RBFOX1: variants seen among roughly 807,000 people sequenced by gnomAD.
RBFOX1 encodes RNA binding protein fox-1 homolog 1.
RBFOX1 carries 8 observed loss-of-function variants against 57.7 expected under a neutral mutation model. The observed-to-expected ratio is 0.14, with a 90% CI of 0.08 to 0.25. The LOEUF (loss-of-function observed/expected upper bound fraction) is 0.25. Ranked by LOEUF, RBFOX1 falls within the 10% of genes least tolerant of loss-of-function variation. The pLI is 1.00. For synonymous variants in RBFOX1, 326 were observed against 222.4 expected, an observed-to-expected ratio of 1.47 and a Z score of -4.15; for missense variants, 611 against 548.5, an observed-to-expected ratio of 1.11 and a Z score of -1.14.
chr16:5,653,582 C>T (rs114050122), intron 3 of RBFOX1, among the ~76,000 whole-genome samples: 3,830 of 152,158 alleles, frequency 0.025, 167 homozygotes, highest in African/African-American at 0.087. Flanking sequence ...GGGTGATTGC[C>T]TCTCCCTGAC....
chr16:6,106,763 G>C (rs561484921), intron 1 of RBFOX1, among the ~76,000 whole-genome samples: 1 of 152,116 alleles, frequency 6.6e-6, no homozygotes, highest in Non-Finnish European at 1.5e-5. Flanking sequence ...TGCCTCCCGG[G>C]TTCATGCCAT....
At chr16:5,485,352 A>AG (rs1171278818) in intron 2 of RBFOX1, among the ~76,000 whole-genome samples, 2 of 148,652 alleles carry the variant, frequency 1.3e-5, no homozygotes, top group African/African-American at 2.5e-5. Context: ...TGTCAAAAAA[A>AG]AAAAAAAAAA....
intron 2 of RBFOX1, among the ~76,000 whole-genome samples, chr16:6,323,664 G>A (rs572037209): frequency 3.3e-4 from 51 of 152,254 alleles, no homozygotes; most frequent in African/African-American, 1.0e-3. Flanking sequence ...CCACACAGCT[G>A]TCTTTTGAAA....
At chr16:7,625,755 G>A (rs574226208) in intron 10 of RBFOX1, among the ~76,000 whole-genome samples, 10 of 152,200 alleles carry the variant, frequency 6.6e-5, no homozygotes, top group East Asian at 3.9e-4. Context: ...AAAAGGGAAC[G>A]GGCAGACATT....
intron 2 of RBFOX1, among the ~76,000 whole-genome samples, chr16:6,333,632 A>G (rs1300541903): frequency 6.6e-6 from 1 of 152,186 alleles, no homozygotes; most frequent in Non-Finnish European, 1.5e-5. Flanking sequence ...ATTAAAAAAT[A>G]TATATATCAG....
chr16:6,080,308 C>G (rs1284990328), intron 1 of RBFOX1, among the ~76,000 whole-genome samples: 1 of 152,160 alleles, frequency 6.6e-6, no homozygotes, highest in East Asian at 1.9e-4. Context: ...TTCTGCTTCA[C>G]ATGAATCAGA....
chr16:7,246,671 C>T (rs1475843410), intron 4 of RBFOX1, among the ~76,000 whole-genome samples: 1 of 121,704 alleles, frequency 8.2e-6, no homozygotes, highest in Non-Finnish European at 1.6e-5. Flanking sequence ...AGTTTGAATG[C>T]AATTATTCCT....
intron 4 of RBFOX1, among the ~76,000 whole-genome samples, chr16:7,302,662 C>A (rs968631766): frequency 6.6e-6 from 1 of 150,516 alleles, no homozygotes; most frequent in Non-Finnish European, 1.5e-5. Context: ...AATCCAATCA[C>A]TGGGTCAAAA....
At chr16:6,991,328 C>T (rs1368483474) in intron 3 of RBFOX1, among the ~76,000 whole-genome samples, 1 of 151,978 alleles carries the variant, frequency 6.6e-6, no homozygotes, top group Non-Finnish European at 1.5e-5. Context: ...TTCTGCATTT[C>T]TCCATTTCAG....
At chr16:6,903,467 C>T (rs770797526) in intron 3 of RBFOX1, among the ~76,000 whole-genome samples, 1 of 152,174 alleles carries the variant, frequency 6.6e-6, no homozygotes, top group Non-Finnish European at 1.5e-5. Context: ...TCTTTGAATT[C>T]TCTAGTGTCT....
At chr16:6,528,183 C>A (rs1318713485) in intron 2 of RBFOX1, among the ~76,000 whole-genome samples, 1 of 152,076 alleles carries the variant, frequency 6.6e-6, no homozygotes, top group Non-Finnish European at 1.5e-5. Flanking sequence ...TTTTATCCTC[C>A]CCCCATAAAT....
intron 3 of RBFOX1, among the ~76,000 whole-genome samples, chr16:6,980,960 T>G (rs1383088666): frequency 7.1e-6 from 1 of 141,378 alleles, no homozygotes; most frequent in Non-Finnish European, 1.5e-5. Context: ...TGAGAATCCC[T>G]TGAACCTGGG....
intron 4 of RBFOX1, among the ~76,000 whole-genome samples, chr16:7,121,651 T>C (rs1484217741): frequency 6.6e-6 from 1 of 151,948 alleles, no homozygotes; most frequent in Admixed American, 6.6e-5. Context: ...TTTAACACAA[T>C]ACAAATCAAA....
At chr16:5,362,008 T>C (rs1307724658) in intron 1 of RBFOX1, among the ~76,000 whole-genome samples, 3 of 152,228 alleles carry the variant, frequency 2.0e-5, no homozygotes, top group Non-Finnish European at 4.4e-5. Flanking sequence ...GATTTTGAGA[T>C]ATTAATTGTG....
rs114865582 is a variant in RBFOX1 at position 5,968,403 on chromosome 16, T to C, written c.351+101068T>C. The stretch of plus-strand genomic sequence containing the variant: ...CAGTACATTTTTAGGGGACGATCAA[T>C]GAGGATTCTCTTCTCTGAGTTACTG... On this transcript the variant is annotated intron_variant, in intron 4 of 19. Transcript: ENST00000641259. Among the ~76,000 whole-genome samples, 1,016 of 152,294 alleles carry C rather than the reference T, an allele frequency of 6.7e-3. 14 individuals carry two copies. Among genetic ancestry groups the C allele is most frequent in the African/African-American group, 0.023 (937 of 41,572 alleles).
intron 7 of RBFOX1, among the ~76,000 whole-genome samples, chr16:7,593,666 ATT>A (rs58366190): frequency 4.7e-5 from 7 of 148,944 alleles, no homozygotes; most frequent in South Asian, 2.1e-4. Flanking sequence ...TTACATGTGA[ATT>A]TTTTTTTTTT....
intron 3 of RBFOX1, among the ~76,000 whole-genome samples, chr16:6,732,751 C>A (rs892707418): frequency 6.6e-6 from 1 of 152,158 alleles, no homozygotes; most frequent in Admixed American, 6.5e-5. Flanking sequence ...GCACATTCTG[C>A]CAGTGCCTCT....
intron 1 of RBFOX1, among the ~76,000 whole-genome samples, chr16:6,298,717 C>G (rs1157182654): frequency 1.3e-5 from 2 of 152,164 alleles, no homozygotes; most frequent in Non-Finnish European, 2.9e-5. Flanking sequence ...TCGAGAATGA[C>G]AAGCCATCTC....
chr16:7,032,100 G>C (rs992486293), intron 3 of RBFOX1, among the ~76,000 whole-genome samples: 1 of 152,044 alleles, frequency 6.6e-6, no homozygotes, highest in Non-Finnish European at 1.5e-5. Context: ...GTCCCCTCTT[G>C]AGAATCAGAG....
Sources: gnomAD v4.1 joint callset for allele counts (sites outside exome capture counted in the v4.1 genomes callset) on GRCh38, gnomAD v4.1.1 for gene constraint, MANE v1.5 for transcripts, NCBI Gene and HGNC (gene_info 2026-07-23, HGNC 2026-07-21) for gene names.